The following SEC14L5 variants were observed in gnomAD, a reference collection of about 807,000 sequenced individuals.
SEC14L5 encodes the protein SEC14-like protein 5.
In SEC14L5, 96 loss-of-function variants were observed where a neutral mutation model predicts 84.6. That is an observed-to-expected ratio of 1.13 (90% CI 0.96 to 1.34). The LOEUF (loss-of-function observed/expected upper bound fraction) is 1.34. Ranked by LOEUF, SEC14L5 falls within the 40% of genes most tolerant of loss-of-function variation. SEC14L5 has a pLI of 0.00. For missense variants in SEC14L5, 1,224 were observed against 942.5 expected (o/e 1.30, Z -3.91); for synonymous variants, 546 against 383.4 (o/e 1.42, Z -4.95).
intron 15 of SEC14L5, among the ~76,000 whole-genome samples, chr16:5,012,619 C>A (rs931221916): frequency 2.0e-5 from 3 of 152,210 alleles, no homozygotes; most frequent in African/African-American, 7.2e-5. Flanking sequence ...AAAGAACTAC[C>A]TGAGGCCGGG....
intron 2 of SEC14L5, among the ~76,000 whole-genome samples, chr16:4,972,800 T>C (rs1381935872): frequency 6.6e-6 from 1 of 152,254 alleles, no homozygotes; most frequent in Non-Finnish European, 1.5e-5. Flanking sequence ...CTGTGAACAT[T>C]TGTGTACAAA....
chr16:5,010,859 G>C (rs1444934144), intron 14 of SEC14L5: 17 of 498,362 alleles, frequency 3.4e-5, no homozygotes, highest in Middle Eastern at 5.3e-4. Flanking sequence ...CCCACCCCCA[G>C]GCGTCAGCTC....
At chr16:4,999,678 G>C (rs949228876) in intron 8 of SEC14L5, among the ~76,000 whole-genome samples, 1 of 151,326 alleles carries the variant, frequency 6.6e-6, no homozygotes, top group Non-Finnish European at 1.5e-5. Flanking sequence ...ATTTTGGAAG[G>C]CCGAGGCGGC....
intron 14 of SEC14L5, chr16:5,010,813 G>C: frequency 2.4e-6 from 1 of 419,000 alleles, no homozygotes; most frequent in Admixed American, 3.6e-5. Context: ...ACAAAATCCA[G>C]GTGTTTAAGC....
At chr16:4,961,410 C>G (rs961376619) in intron 2 of SEC14L5, among the ~76,000 whole-genome samples, 2 of 152,178 alleles carry the variant, frequency 1.3e-5, no homozygotes, top group African/African-American at 4.8e-5. Context: ...CTCACTGCAA[C>G]CTCTGCCTCC....
At chr16:4,973,821 T>A (rs1270478547) in intron 2 of SEC14L5, among the ~76,000 whole-genome samples, 1 of 151,684 alleles carries the variant, frequency 6.6e-6, no homozygotes, top group African/African-American at 2.4e-5. Flanking sequence ...TAGCTGGGAC[T>A]CCAGGTGCAT....
At chr16:4,968,829 G>T (rs1051775683) in intron 2 of SEC14L5, among the ~76,000 whole-genome samples, 1 of 152,222 alleles carries the variant, frequency 6.6e-6, no homozygotes, top group African/African-American at 2.4e-5. Context: ...GTGGAGGAAG[G>T]GTTACGGAGG....
intron 14 of SEC14L5, among the ~76,000 whole-genome samples, chr16:5,008,961 C>G (rs545021069): frequency 1.3e-5 from 2 of 152,324 alleles, no homozygotes; most frequent in East Asian, 3.9e-4. Flanking sequence ...CAGGATCCAA[C>G]TGTATTTGTT....
At chr16:5,011,378 G>C in intron 15 of SEC14L5, 105 bp downstream of exon 15, 2 of 1,192,866 alleles carry the variant, frequency 1.7e-6, no homozygotes, top group South Asian at 1.5e-5. Context: ...CTTCTCCCGG[G>C]GTGGGACCCC....
At chr16:4,961,345 T>C (rs775554642) in intron 2 of SEC14L5, among the ~76,000 whole-genome samples, 39 of 152,206 alleles carry the variant, frequency 2.6e-4, no homozygotes, top group Non-Finnish European at 4.9e-4. Context: ...TTTTACTTTT[T>C]CCAGACTGAG....
rs112114297 is a variant in SEC14L5 at position 4,996,498 on chromosome 16, G to T, written c.780+38G>T. The T allele has an allele frequency of 4.8e-4, 519 of 1,083,272 alleles. 4 individuals are homozygous for T. In the African/African-American group the frequency reaches 6.1e-3, roughly 13 times the overall value. 67.1% of individuals were successfully genotyped at this position (1,083,272 alleles called of 1,614,324 possible). Reference sequence around the variant, plus strand: ...GGTACCCTGGAGCAGTGGATGAATGGGCAATGACTGGTACTCAGCCTCCGT... The same window carrying T: ...GGTACCCTGGAGCAGTGGATGAATGTGCAATGACTGGTACTCAGCCTCCGT... On this transcript the variant is annotated intron_variant, in intron 7 of 15. Coordinates refer to ENST00000251170, the MANE Select transcript of SEC14L5 (RefSeq NM_014692.2).
At chr16:5,000,567 G>A (rs941001525) in intron 8 of SEC14L5, 88 bp from the exon 9 acceptor site, 1 of 1,004,750 alleles carries the variant, frequency 1.0e-6, no homozygotes, top group African/African-American at 1.6e-5. Flanking sequence ...CTGAGGAGGT[G>A]AAGCTCTCAC....
chr16:4,996,273 G>C, intron 6 of SEC14L5, 75 bp from the exon 7 acceptor site: 1 of 893,154 alleles, frequency 1.1e-6, no homozygotes, highest in African/African-American at 1.7e-5. Flanking sequence ...AGCCAGTAAG[G>C]AATGGCACAC....
At position 4,992,319 on chromosome 16, in the gene SEC14L5, C is replaced by T. The variant is rs564780760; in HGVS notation, c.667+289C>T. On this transcript the variant is annotated intron_variant, in intron 6 of 15. Coordinates refer to ENST00000251170, the MANE Select transcript of SEC14L5 (RefSeq NM_014692.2). ...AGGCTGGAGCGCAGTAGCACGATCT[C>T]GGCTCCCTGCAACCTCCGCCCCCCG... Among the ~76,000 whole-genome samples the T allele has an allele frequency of 9.2e-5, 14 of 152,354 alleles. No individual in the cohort carries two copies. In the South Asian group the frequency reaches 1.4e-3, roughly 16 times the overall value.
In SEC14L5 at chr16:5,001,184, G is replaced by A. The variant is rs151166918; in HGVS notation, c.1130+259G>A. Among the ~76,000 whole-genome samples the A allele has an allele frequency of 4.6e-3, 694 of 151,798 alleles. 6 individuals are homozygous for A. The highest frequency in any genetic ancestry group is 6.6e-3 in the Non-Finnish European group (449 of 67,956). On this transcript the variant is annotated intron_variant, in intron 10 of 15. Transcript: ENST00000251170. ...GGACAGAGCTGGATTTGAACCTGGG[G>A]TCCTGTCTGGCTTCTAGCTCGAAGA...
At chr16:4,997,594 G>A (rs1464703892) in intron 8 of SEC14L5, among the ~76,000 whole-genome samples, 2 of 152,160 alleles carry the variant, frequency 1.3e-5, no homozygotes, top group Admixed American at 6.6e-5. Flanking sequence ...AATTGTGATC[G>A]TAAAGGTAAC....
chr16:4,995,576 G>A (rs995871562), intron 6 of SEC14L5, among the ~76,000 whole-genome samples: 10 of 151,664 alleles, frequency 6.6e-5, no homozygotes, highest in African/African-American at 2.4e-4. Flanking sequence ...TTACTCATTC[G>A]AGTTACTCCA....
chr16:4,999,923 A>G (rs1277945035), intron 8 of SEC14L5, among the ~76,000 whole-genome samples: 2 of 152,060 alleles, frequency 1.3e-5, no homozygotes, highest in African/African-American at 4.8e-5. Context: ...TCAAAAACCA[A>G]CAAATCAACC....
chr16:5,012,865 A>G (rs956764794), intron 15 of SEC14L5, among the ~76,000 whole-genome samples: 1 of 151,350 alleles, frequency 6.6e-6, no homozygotes, highest in African/African-American at 2.4e-5. Context: ...ACTGCACTTC[A>G]GCCTTGGCGA....
Sources: gnomAD v4.1 joint callset for allele counts (sites outside exome capture counted in the v4.1 genomes callset) on GRCh38, gnomAD v4.1.1 for gene constraint, MANE v1.5 for transcripts, NCBI Gene and HGNC (gene_info 2026-07-23, HGNC 2026-07-21) for gene names.